Variants in PCGF5 observed in about 807,000 individuals in gnomAD.
The protein encoded by PCGF5 is polycomb group RING finger protein 5.
PCGF5 carries 9 observed loss-of-function variants against 44.3 expected under a neutral mutation model. That is an observed-to-expected ratio of 0.20 (90% CI 0.12 to 0.35). The LOEUF is 0.35. Among genes scored for constraint, PCGF5 ranks in the 10% least tolerant of loss-of-function variants. PCGF5 has a pLI of 1.00. For missense variants in PCGF5, 146 were observed against 305.3 expected, an observed-to-expected ratio of 0.48 and a Z score of 3.89; for synonymous variants, 95 against 102.5, an observed-to-expected ratio of 0.93 and a Z score of 0.44.
intron 1 of PCGF5, among the ~76,000 whole-genome samples, chr10:91,206,922 T>A (rs1844357498): frequency 6.6e-6 from 1 of 152,102 alleles, no homozygotes; most frequent in African/African-American, 2.4e-5. Context: ...TGCCCCAGAG[T>A]CCCTCTTGGT....
At chr10:91,234,147 G>A (rs2133322566) in intron 2 of PCGF5, among the ~76,000 whole-genome samples, 1 of 152,244 alleles carries the variant, frequency 6.6e-6, no homozygotes, top group Non-Finnish European at 1.5e-5. Flanking sequence ...ACACCCTCAA[G>A]AACTTGAAAA....
intron 2 of PCGF5, among the ~76,000 whole-genome samples, chr10:91,233,379 G>C (rs1393045692): frequency 1.3e-5 from 2 of 152,082 alleles, no homozygotes; most frequent in African/African-American, 2.4e-5. Context: ...CAAGCAAGGT[G>C]TGCTTCGCTG....
upstream of PCGF5, among the ~76,000 whole-genome samples, chr10:91,217,966 T>C (rs1403585374): frequency 6.6e-6 from 1 of 152,158 alleles, no homozygotes; most frequent in Non-Finnish European, 1.5e-5. Context: ...TTGGTATTTT[T>C]AGTAGAGACA....
chr10:91,276,195 CT>C (rs1425249249), intron 9 of PCGF5, among the ~76,000 whole-genome samples: 1 of 151,420 alleles, frequency 6.6e-6, no homozygotes, highest in East Asian at 1.9e-4. Context: ...GATTTAAATA[CT>C]TTTCCTTTTT....
At chr10:91,216,409 G>A (rs953554118), upstream of PCGF5, among the ~76,000 whole-genome samples, 1 of 152,144 alleles carries the variant, frequency 6.6e-6, no homozygotes, top group East Asian at 1.9e-4. Context: ...GTACATTATG[G>A]CTGGAGCACA....
chr10:91,160,155 C>T (rs930926605), upstream of PCGF5, among the ~76,000 whole-genome samples: 2 of 152,070 alleles, frequency 1.3e-5, no homozygotes, highest in Non-Finnish European at 2.9e-5. Context: ...CCTCCATTTC[C>T]ATCTGTTGAA....
chr10:91,230,907 G>A lies in PCGF5; in HGVS notation c.112+7924G>A, dbSNP rs933484515. 6.6e-5 allele frequency among the ~76,000 whole-genome samples: 10 copies of A among 152,224 alleles called. No homozygotes were observed. In the East Asian group the frequency reaches 1.9e-3, roughly 29 times the overall value. ...CAAAGTGCTGGGATTATAGGTGTCAGCCACTGTGCCCAGCCTATTTATTTT... is the reference window on the plus strand; with the variant it reads ...CAAAGTGCTGGGATTATAGGTGTCAACCACTGTGCCCAGCCTATTTATTTT... On this transcript the variant is annotated intron_variant, in intron 2 of 9. Transcript: ENST00000336126.
intron 2 of PCGF5, among the ~76,000 whole-genome samples, chr10:91,234,614 T>C (rs1845102292): frequency 6.6e-6 from 1 of 152,260 alleles, no homozygotes; most frequent in African/African-American, 2.4e-5. Context: ...AATCATAGTC[T>C]GATATTATTC....
At chr10:91,258,107 A>C (rs1388335117) in intron 6 of PCGF5, among the ~76,000 whole-genome samples, 1 of 152,118 alleles carries the variant, frequency 6.6e-6, no homozygotes, top group Non-Finnish European at 1.5e-5. Flanking sequence ...GATAAAGACA[A>C]AGTAGATTAG....
At position 91,222,892 on chromosome 10, in the gene PCGF5, C is replaced by G. The variant is rs1844719978; in HGVS notation, c.21C>G (p.His7Gln). ...CACGAATGGCTACCCAAAGGAAACA[C>G]TTGGTGAAAGATTTTAATCCTTACA... is the stretch of plus-strand genomic sequence containing the variant. MATQRKHLVKDFNPYIT... is the reference protein window; with the variant it reads MATQRKQLVKDFNPYIT... The change falls in exon 2 of 10, where the codon CAC becomes CAG. Residue 7 changes from histidine to glutamine, a missense_variant. Transcript: ENST00000336126. 1 of 1,612,640 alleles carries G rather than the reference C, an allele frequency of 6.2e-7. No homozygotes were observed. Among genetic ancestry groups the G allele is most frequent in the East Asian group, 2.2e-5 (1 of 44,864 alleles).
chr10:91,193,333 A>T (rs531127968), intron 1 of PCGF5, among the ~76,000 whole-genome samples: 7 of 151,998 alleles, frequency 4.6e-5, no homozygotes, highest in Middle Eastern at 3.4e-3. Flanking sequence ...GCCAAATTGT[A>T]CTTAGACTTC....
At chr10:91,247,006 GATAGA>G (rs1845483224) in intron 3 of PCGF5, among the ~76,000 whole-genome samples, 1 of 145,530 alleles carries the variant, frequency 6.9e-6, no homozygotes, top group African/African-American at 2.5e-5. Context: ...TAGATAGATA[GATAGA>G]TAGATAGATA....
rs142082682 is a variant in PCGF5, at chr10:91,173,096, A to G, written c.-184+10015A>G. ...ATCTGGTCTATCTCCTAGGTATTCAATGTGAAAACTCTTTGCAAGTAAATA... is the reference window on the plus strand; with the variant it reads ...ATCTGGTCTATCTCCTAGGTATTCAGTGTGAAAACTCTTTGCAAGTAAATA... On this transcript the variant is annotated intron_variant, in intron 1 of 9. Transcript: ENST00000614189. Among the ~76,000 whole-genome samples, 277 of 152,368 alleles carry G rather than the reference A, an allele frequency of 1.8e-3. 1 individual carries two copies. The highest frequency in any genetic ancestry group is 6.3e-3 in the African/African-American group (260 of 41,586).
rs1409357244 is a variant in PCGF5, at chr10:91,220,700, G to C, written c.-320G>C. ...CCGAGTGGCCCCACAGAGCCGGCGC[G>C]CTCCCGCCTGCAGGGGGAGAGCAGA... On this transcript the variant is annotated 5_prime_UTR_variant, in exon 1 of 10. Transcript: ENST00000336126. 2.0e-5 allele frequency: 3 copies of C among 151,954 alleles called. No individual in the cohort carries two copies. Among genetic ancestry groups the C allele is most frequent in the African/African-American group, 7.2e-5 (3 of 41,402 alleles). The allele number at this position is 151,954 out of a possible 1,614,324, so 9.4% of individuals were successfully genotyped here.
chr10:91,274,605 A>G (rs1022792091), intron 9 of PCGF5, among the ~76,000 whole-genome samples: 9 of 152,374 alleles, frequency 5.9e-5, no homozygotes, highest in Admixed American at 2.0e-4. Context: ...GTAACAGACA[A>G]AAAATAAACA....
At chr10:91,191,967 C>T (rs796674623) in intron 1 of PCGF5, among the ~76,000 whole-genome samples, 5 of 152,350 alleles carry the variant, frequency 3.3e-5, no homozygotes, top group African/African-American at 1.2e-4. Context: ...CACTGGTGAG[C>T]TGTGAGATTA....
chr10:91,199,017 T>G (rs1432519164), intron 1 of PCGF5, among the ~76,000 whole-genome samples: 1 of 152,214 alleles, frequency 6.6e-6, no homozygotes, highest in African/African-American at 2.4e-5. Context: ...ATGTATTTAT[T>G]GTTTTTGTTC....
At position 91,204,471 on chromosome 10, in the gene PCGF5, C is replaced by T. The variant is rs73310432; in HGVS notation, c.-183-18218C>T. Among the ~76,000 whole-genome samples the T allele has an allele frequency of 6.6e-3, 1,005 of 152,174 alleles. 15 individuals are homozygous for T. Among genetic ancestry groups the T allele is most frequent in the African/African-American group, 0.022 (932 of 41,506 alleles). On this transcript the variant is annotated intron_variant, in intron 1 of 9. Transcript: ENST00000614189. ...TCTAGAATGCAGACTCTATGATGAC[C>T]AGGCCAGGTCTATTTTATTTACTAT...
At chr10:91,192,559 T>C (rs1271623736) in intron 1 of PCGF5, among the ~76,000 whole-genome samples, 1 of 152,254 alleles carries the variant, frequency 6.6e-6, no homozygotes, top group Non-Finnish European at 1.5e-5. Flanking sequence ...GATAAGTTCA[T>C]TTATTTATTC....
Sources: allele counts gnomAD v4.1 joint callset (sites outside exome capture counted in the v4.1 genomes callset), GRCh38; gene constraint gnomAD v4.1.1; transcripts MANE v1.5; gene names NCBI Gene and HGNC (gene_info 2026-07-23, HGNC 2026-07-21).